The following SPMIP11 variants were observed in gnomAD, a reference collection of about 807,000 sequenced individuals.
SPMIP11 encodes sperm microtubule inner protein 11.
the SPMIP11 span, among the ~76,000 whole-genome samples, chr12:48,734,847 CA>C: frequency 1.3e-5 from 2 of 151,174 alleles, no homozygotes; most frequent in African/African-American, 2.4e-5. Flanking sequence ...ACTAAAAATA[CA>C]AAAAAAATTA....
chr12:48,736,068 T>G, the SPMIP11 span: 2 of 450,106 alleles, frequency 4.4e-6, no homozygotes, highest in South Asian at 1.6e-5. Flanking sequence ...AACTTTTCCT[T>G]TCATTTTTCC....
the SPMIP11 span, among the ~76,000 whole-genome samples, chr12:48,761,320 A>G: frequency 6.6e-6 from 1 of 151,900 alleles, no homozygotes; most frequent in African/African-American, 2.4e-5. Context: ...GCATAGTGGC[A>G]GGCGCCTGTA....
chr12:48,753,063 C>A, the SPMIP11 span, among the ~76,000 whole-genome samples: 167 of 152,262 alleles, frequency 1.1e-3, no homozygotes, highest in Admixed American at 2.9e-3. Context: ...TAATCTGGCC[C>A]TTCTTTGAGA....
At chr12:48,752,060 C>G in the SPMIP11 span, among the ~76,000 whole-genome samples, 1 of 132,704 alleles carries the variant, frequency 7.5e-6, no homozygotes, top group Non-Finnish European at 1.6e-5. Context: ...GAGCAAGACT[C>G]TGCCTCAAAA....
chr12:48,729,132 C>G, the SPMIP11 span, among the ~76,000 whole-genome samples: 5 of 152,202 alleles, frequency 3.3e-5, no homozygotes, highest in Admixed American at 3.3e-4. Context: ...CCGGGCACTG[C>G]GGCTCACGCC....
chr12:48,761,904 A>T, the SPMIP11 span, among the ~76,000 whole-genome samples: 109 of 143,094 alleles, frequency 7.6e-4, no homozygotes, highest in African/African-American at 2.8e-3. Context: ...TTTTTTTTTT[A>T]ATAGAGACAA....
the SPMIP11 span, among the ~76,000 whole-genome samples, chr12:48,737,217 C>T: frequency 6.6e-6 from 1 of 152,026 alleles, no homozygotes; most frequent in Non-Finnish European, 1.5e-5. Context: ...TCCCAAAGTG[C>T]TAGGATTACA....
chr12:48,757,759 C>T, the SPMIP11 span, among the ~76,000 whole-genome samples: 21 of 150,510 alleles, frequency 1.4e-4, no homozygotes, highest in African/African-American at 2.0e-4. Context: ...TTTGGGAGGC[C>T]GAGGCAGGAG....
At chr12:48,756,135 G>A in the SPMIP11 span, among the ~76,000 whole-genome samples, 4 of 151,574 alleles carry the variant, frequency 2.6e-5, no homozygotes, top group Non-Finnish European at 4.4e-5. Flanking sequence ...CGCCTGCCTC[G>A]GCCTCCCAAA....
At chr12:48,732,142 G>T in the SPMIP11 span, among the ~76,000 whole-genome samples, 3 of 140,366 alleles carry the variant, frequency 2.1e-5, no homozygotes, top group Non-Finnish European at 3.0e-5. Flanking sequence ...GAGTAAGATT[G>T]TCTCAAAAAA....
the SPMIP11 span, among the ~76,000 whole-genome samples, chr12:48,727,869 G>A: frequency 6.6e-6 from 1 of 152,022 alleles, no homozygotes; most frequent in South Asian, 2.1e-4. Context: ...GGGCAACATA[G>A]TAAGACCACA....
the SPMIP11 span, among the ~76,000 whole-genome samples, chr12:48,734,395 G>T: frequency 6.6e-6 from 1 of 152,162 alleles, no homozygotes; most frequent in African/African-American, 2.4e-5. Context: ...ACAGGAGCAA[G>T]CCACTGTGCC....
chr12:48,756,057 G>C, the SPMIP11 span, among the ~76,000 whole-genome samples: 1 of 146,474 alleles, frequency 6.8e-6, no homozygotes, highest in Non-Finnish European at 1.5e-5. Flanking sequence ...TTTTTTTTTT[G>C]TATTTTTAGT....
chr12:48,739,004 C>A, the SPMIP11 span, among the ~76,000 whole-genome samples: 1 of 151,270 alleles, frequency 6.6e-6, no homozygotes, highest in Non-Finnish European at 1.5e-5. Flanking sequence ...TTTCCAAGGA[C>A]CATTTTTGGT....
the SPMIP11 span, among the ~76,000 whole-genome samples, chr12:48,742,277 C>CTTT: frequency 8.3e-3 from 727 of 87,194 alleles, 165 homozygotes; most frequent in East Asian, 0.016. Context: ...CTTTTCTTTT[C>CTTT]CTTTTTTTTT....
chr12:48,759,330 G>A, the SPMIP11 span: 34 of 702,714 alleles, frequency 4.8e-5, no homozygotes, highest in Non-Finnish European at 6.8e-5. Flanking sequence ...TGTTGAAGAC[G>A]TGTAAGTACC....
the SPMIP11 span, among the ~76,000 whole-genome samples, chr12:48,745,028 T>G: frequency 2.0e-5 from 3 of 152,082 alleles, no homozygotes; most frequent in African/African-American, 7.2e-5. Context: ...CCCAGCACTT[T>G]GGGAAGCCGA....
At chr12:48,769,097 C>T in the SPMIP11 span, 175 of 1,568,450 alleles carry the variant, frequency 1.1e-4, no homozygotes, top group Non-Finnish European at 1.4e-4. Context: ...CTAGTGGATG[C>T]TCCAGGGTAA....
At chr12:48,735,023 A>AAG in the SPMIP11 span, among the ~76,000 whole-genome samples, 1 of 147,932 alleles carries the variant, frequency 6.8e-6, no homozygotes, top group Non-Finnish European at 1.5e-5. Context: ...AAAAAAAAAA[A>AAG]GAAGAGGAGG....
Sources: gnomAD v4.1 joint callset for allele counts (sites outside exome capture counted in the v4.1 genomes callset) on GRCh38, gnomAD v4.1.1 for gene constraint, MANE v1.5 for transcripts, NCBI Gene and HGNC (gene_info 2026-07-23, HGNC 2026-07-21) for gene names.